The following CPQ variants were observed in gnomAD, a reference collection of about 807,000 sequenced individuals.
CPQ encodes carboxypeptidase Q.
A neutral mutation model predicts 45.7 loss-of-function variants in CPQ; 37 were observed. The ratio of observed to expected loss-of-function variants is 0.81; its 90% CI spans 0.62 to 1.07. CPQ has a LOEUF of 1.07. Ranked by LOEUF, CPQ falls within the 50% of genes least tolerant of loss-of-function variation. CPQ has a pLI of 0.00. For missense variants in CPQ, 537 were observed against 572.9 expected (o/e 0.94, Z 0.64); for synonymous variants, 186 against 205.8 (o/e 0.90, Z 0.82).
chr8:97,113,627 TAAGGGC>T (rs1178975559), intron 7 of CPQ, among the ~76,000 whole-genome samples: 4 of 152,134 alleles, frequency 2.6e-5, no homozygotes, highest in Non-Finnish European at 4.4e-5. Flanking sequence ...TGAGGGTGGC[TAAGGGC>T]AAGTGACCTA....
intron 7 of CPQ, among the ~76,000 whole-genome samples, chr8:97,115,624 C>A (rs965896719): frequency 6.6e-6 from 1 of 152,140 alleles, no homozygotes; most frequent in Non-Finnish European, 1.5e-5. Flanking sequence ...ATTTGGCATT[C>A]GGTGAAGGAG....
chr8:96,949,157 G>A (rs1442086179), intron 4 of CPQ, among the ~76,000 whole-genome samples: 1 of 152,058 alleles, frequency 6.6e-6, no homozygotes, highest in African/African-American at 2.4e-5. Context: ...TTGGGAAGGG[G>A]AGGATTTAAT....
chr8:97,078,246 A>G (rs1412478307), intron 7 of CPQ, among the ~76,000 whole-genome samples: 2 of 152,112 alleles, frequency 1.3e-5, no homozygotes, highest in Non-Finnish European at 1.5e-5. Context: ...GTTTCAGGCT[A>G]TCTTGTACAT....
intron 2 of CPQ, among the ~76,000 whole-genome samples, chr8:96,825,575 C>T (rs1811369251): frequency 6.6e-6 from 1 of 151,986 alleles, no homozygotes; most frequent in African/African-American, 2.4e-5. Context: ...TGGATTTGTG[C>T]CCATCAAGCC....
At chr8:96,940,116 G>C (rs1025763288) in intron 4 of CPQ, among the ~76,000 whole-genome samples, 1 of 151,566 alleles carries the variant, frequency 6.6e-6, no homozygotes. Context: ...TCTCTTTCTT[G>C]CCCTATTTTT....
At chr8:96,763,419 C>T (rs1396493794) in intron 1 of CPQ, among the ~76,000 whole-genome samples, 1 of 152,152 alleles carries the variant, frequency 6.6e-6, no homozygotes, top group Admixed American at 6.5e-5. Context: ...TTGATTTCTG[C>T]ACTCCCTGTT....
intron 5 of CPQ, among the ~76,000 whole-genome samples, chr8:96,977,930 C>T (rs879701367): frequency 6.6e-6 from 1 of 152,130 alleles, no homozygotes; most frequent in African/African-American, 2.4e-5. Context: ...AAATAACTTA[C>T]TCATGTAACC....
chr8:96,824,119 T>G (rs942089799), intron 2 of CPQ, among the ~76,000 whole-genome samples: 6 of 152,040 alleles, frequency 3.9e-5, no homozygotes, highest in Non-Finnish European at 5.9e-5. Context: ...AGATAAAATG[T>G]ATGGATGAAT....
At chr8:96,700,519 A>G (rs541523007) in intron 1 of CPQ, among the ~76,000 whole-genome samples, 2 of 152,294 alleles carry the variant, frequency 1.3e-5, no homozygotes, top group South Asian at 2.1e-4. Flanking sequence ...TCAGTCATGT[A>G]TAGTGCTGGC....
intron 4 of CPQ, among the ~76,000 whole-genome samples, chr8:96,880,574 T>C (rs12707737): frequency 0.6 from 68,585 of 114,864 alleles, 21,467 homozygotes; most frequent in East Asian, 0.74. Flanking sequence ...TATATATATA[T>C]ATACCATGGA....
chr8:96,720,704 C>T lies in CPQ; in HGVS notation c.-34-64160C>T, dbSNP rs570320040. Among the ~76,000 whole-genome samples the T allele has an allele frequency of 4.6e-4, 70 of 151,962 alleles. 1 individual carries two copies. The highest frequency in any genetic ancestry group is 1.6e-3 in the African/African-American group (68 of 41,440). ...AGACATTTTTTTCCCAGTTTTGCTC[C>T]CCCCTCCTCCATGAAGTTTTAATAC... On this transcript the variant is annotated intron_variant, in intron 1 of 7. Coordinates refer to ENST00000220763, the MANE Select transcript of CPQ (RefSeq NM_016134.4).
chr8:96,984,787 T>C (rs1813979871), intron 5 of CPQ, among the ~76,000 whole-genome samples: 1 of 152,236 alleles, frequency 6.6e-6, no homozygotes, highest in Non-Finnish European at 1.5e-5. Flanking sequence ...TATCTAATTA[T>C]AGGTTTATTG....
intron 7 of CPQ, among the ~76,000 whole-genome samples, chr8:97,109,021 A>C (rs574235143): frequency 6.6e-5 from 10 of 152,084 alleles, no homozygotes; most frequent in Non-Finnish European, 1.5e-4. Context: ...CTCTCCTTCA[A>C]ATATCTTGAG....
chr8:97,106,598 G>A (rs1433792974), intron 7 of CPQ, among the ~76,000 whole-genome samples: 1 of 152,212 alleles, frequency 6.6e-6, no homozygotes, highest in Non-Finnish European at 1.5e-5. Flanking sequence ...AAATTCTTCA[G>A]TTGCACTAGC....
chr8:96,820,342 C>T (rs1445407173), intron 2 of CPQ, among the ~76,000 whole-genome samples: 2 of 151,846 alleles, frequency 1.3e-5, no homozygotes, highest in Admixed American at 1.3e-4. Context: ...GATGGGGGCT[C>T]TTTTTCAAAA....
intron 1 of CPQ, among the ~76,000 whole-genome samples, chr8:96,748,150 A>G (rs1164627383): frequency 6.6e-6 from 1 of 152,140 alleles, no homozygotes; most frequent in Non-Finnish European, 1.5e-5. Context: ...TACTACAGTA[A>G]TCATCAATCT....
At chr8:97,039,859 C>T (rs1457609447) in intron 6 of CPQ, among the ~76,000 whole-genome samples, 4 of 151,496 alleles carry the variant, frequency 2.6e-5, no homozygotes, top group Admixed American at 1.3e-4. Context: ...ATATGTGCCA[C>T]ATTTTCTTAA....
At chr8:96,674,701 C>T (rs1809052312) in intron 1 of CPQ, among the ~76,000 whole-genome samples, 2 of 152,116 alleles carry the variant, frequency 1.3e-5, no homozygotes, top group Admixed American at 1.3e-4. Flanking sequence ...CCTTCATACC[C>T]TGATGCAGCT....
intron 7 of CPQ, among the ~76,000 whole-genome samples, chr8:97,131,246 T>C (rs1282783443): frequency 6.6e-6 from 1 of 152,218 alleles, no homozygotes; most frequent in Non-Finnish European, 1.5e-5. Flanking sequence ...TACAAAAGCA[T>C]AGACACACTT....
Sources: gnomAD v4.1 joint callset for allele counts (sites outside exome capture counted in the v4.1 genomes callset) on GRCh38, gnomAD v4.1.1 for gene constraint, MANE v1.5 for transcripts, NCBI Gene and HGNC (gene_info 2026-07-23, HGNC 2026-07-21) for gene names.